Variants in TONSL observed in about 807,000 individuals in gnomAD.
The protein encoded by TONSL is tonsoku-like protein.
Under a neutral mutation model 147.1 loss-of-function variants are expected in TONSL, and 112 were observed. That is an observed-to-expected ratio of 0.76 (90% CI 0.65 to 0.89). The LOEUF (loss-of-function observed/expected upper bound fraction) is 0.89. Ranked by LOEUF, TONSL falls within the 40% of genes least tolerant of loss-of-function variation. TONSL has a pLI of 0.00. For missense variants in TONSL, 1,883 were observed against 1,864.6 expected, an observed-to-expected ratio of 1.01 and a Z score of -0.18; for synonymous variants, 868 against 801.5, an observed-to-expected ratio of 1.08 and a Z score of -1.40.
chr8:144,444,399 C>T lies in TONSL; in HGVS notation c.16G>A (p.Glu6Lys). The change falls in exon 1 of 26, where the codon GAG (glutamate) becomes AAG (lysine). Residue 6 changes from glutamate (E) to lysine (K), a missense_variant. Coordinates refer to ENST00000409379, the MANE Select transcript of TONSL (RefSeq NM_013432.5). ...TCCCCGAGGAACTTACGGCGAAGCT[C>T]GCGCTCCAGGCTCATGCTCGGATCG... MSLER[E>K]LRQLSKAKAK... 7.9e-7 allele frequency: 1 copy of T among 1,271,072 alleles called. No homozygotes were observed. Among genetic ancestry groups the T allele is most frequent in the Non-Finnish European group, 9.9e-7 (1 of 1,006,662 alleles). The allele number at this position is 1,271,072 out of a possible 1,614,324, so 78.7% of individuals were successfully genotyped here. A position where few individuals can be genotyped will look rare whatever the true frequency, so the allele number is the denominator to read the frequency against.
At chr8:144,438,252 G>C (rs1823553996) in intron 13 of TONSL, 1 of 594,956 alleles carries the variant, frequency 1.7e-6, no homozygotes, top group Admixed American at 2.9e-5. Context: ...GCCCAGGCTG[G>C]AGTGCAGTGG....
rs1554877925 is a variant in TONSL, at chr8:144,429,182, C to T, written c.4098G>A (p.Thr1366=). 1.3e-6 allele frequency: 2 copies of T among 1,534,484 alleles called. No individual in the cohort carries two copies. Among genetic ancestry groups the T allele is most frequent in the Admixed American group, 2.0e-5 (1 of 50,702 alleles). Residue 1366 remains threonine, a synonymous_variant, in exon 26 of 26, where the codon ACG becomes ACA. Coordinates refer to ENST00000409379, the MANE Select transcript of TONSL (RefSeq NM_013432.5). ...AGAAGAGCTTGGAGCCGTGGTCCAG[C>T]GTGCACTCGCCGGGGCCCGGCCGAC... ...QPSRPGPGEC[T]LDHGSKLFFR... is the part of the protein sequence containing the mutation.
Position 144,443,182 on chromosome 8 carries a change from GC to G in TONSL, c.403del (p.Ala135LeufsTer23), listed in dbSNP as rs1823785367. On this transcript the variant is annotated frameshift_variant, in exon 4 of 26. Coordinates refer to ENST00000409379, the MANE Select transcript of TONSL (RefSeq NM_013432.5). LOFTEE classifies it high-confidence loss of function. ...QSRDALLQAQ[A>X]AFEKSLAIVD... ...AATAGCCAAGCTCTTCTCAAAGGCAGCCTGTGCCTGCAGCAAAGCATCCCTC... is the reference window on the plus strand; with the variant it reads ...AATAGCCAAGCTCTTCTCAAAGGCAGCTGTGCCTGCAGCAAAGCATCCCTC... 6.4e-7 allele frequency: 1 copy of G among 1,550,688 alleles called. No individual in the cohort carries two copies.
rs1380928245 is a variant in TONSL, at chr8:144,444,016, C to A, written c.130G>T (p.Ala44Ser). 3.9e-6 allele frequency: 6 copies of A among 1,536,856 alleles called. No homozygotes were observed. The highest frequency in any genetic ancestry group is 5.2e-6 in the Non-Finnish European group (6 of 1,146,104). Residue 44 changes from alanine (A) to serine (S), a missense_variant, in exon 3 of 26, where the codon GCC (alanine) becomes TCC (serine). By Grantham distance (99) the Ala-to-Ser change is moderately conservative. Transcript: ENST00000409379. The part of the protein sequence containing the change: ...GELLAGHGRY[A>S]EALEQHWQEL... ...TGCCAGTGCTGCTCCAGAGCCTCGG[C>A]GTAGCGGCCTAGGCGGGGGCACAGC...
At chr8:144,444,341 C>A (rs1823829533) in intron 1 of TONSL, 49 bp downstream of exon 1, 2 of 1,294,742 alleles carry the variant, frequency 1.5e-6, no homozygotes, top group South Asian at 2.4e-5. Context: ...AGTCCCAAGC[C>A]CTCCCCAGCC....
chr8:144,440,618 C>T lies in TONSL; in HGVS notation c.1164+100G>A, dbSNP rs1343039024. The T allele has an allele frequency of 4.6e-6, 7 of 1,533,058 alleles. No homozygotes were observed. The Admixed American group carries it at 7.6e-5, about 17-fold the overall frequency. 95.0% of individuals were successfully genotyped at this position (1,533,058 alleles called of 1,614,324 possible). A position where few individuals can be genotyped will look rare whatever the true frequency, so the allele number is the denominator to read the frequency against. On this transcript the variant is annotated intron_variant, in intron 9 of 25. Transcript: ENST00000409379. The stretch of plus-strand genomic sequence containing the variant: ...GTGGATGGTCCTAGGAAGGAGCTGC[C>T]CGTCCAGTAAGGACACCTGTCCATG...
At chr8:144,441,250 C>T (rs1201959973) in intron 7 of TONSL, 139 bp from the exon 8 acceptor site, 8 of 1,245,710 alleles carry the variant, frequency 6.4e-6, no homozygotes, top group Non-Finnish European at 8.7e-6. Flanking sequence ...GGGTTAATAG[C>T]AGGGTCTATC....
intron 25 of TONSL, among the ~76,000 whole-genome samples, chr8:144,429,843 G>A (rs1438044854): frequency 6.6e-6 from 1 of 152,160 alleles, no homozygotes; most frequent in Non-Finnish European, 1.5e-5. Context: ...GCCCCGCTTC[G>A]TGCACATTCA....
chr8:144,441,603 AC>A (rs1823722297), intron 7 of TONSL: 1 of 193,270 alleles, frequency 5.2e-6, no homozygotes, highest in Non-Finnish European at 1.1e-5. Flanking sequence ...AGAAAAAAAA[AC>A]AACACAACAT....
intron 11 of TONSL, among the ~76,000 whole-genome samples, chr8:144,439,352 C>T (rs1040568082): frequency 3.9e-5 from 6 of 152,178 alleles, no homozygotes; most frequent in Admixed American, 1.3e-4. Context: ...CCTGATCCAC[C>T]TCCCCCCAGC....
chr8:144,436,289 T>C lies in TONSL; in HGVS notation c.2144A>G (p.His715Arg). Residue 715 changes from histidine to arginine, a missense_variant, in exon 17 of 26, where the codon CAT becomes CGT. His to Arg is a conservative substitution (Grantham distance 29, BLOSUM62 0). Coordinates refer to ENST00000409379, the MANE Select transcript of TONSL (RefSeq NM_013432.5). ...STRLPEASQA[H>R]VRVSPGQAAP... ...CGCCTGCCCTGGGGAGACCCTGACA[T>C]GGGCCTGAGAGGCCTCTGGGAGTCT... 3 of 1,508,782 alleles carry C rather than the reference T, an allele frequency of 2.0e-6. No individual in the cohort carries two copies. The highest frequency in any genetic ancestry group is 2.6e-6 in the Non-Finnish European group (3 of 1,134,628). 93.5% of individuals were successfully genotyped at this position (1,508,782 alleles called of 1,614,324 possible).
chr8:144,434,137 G>T lies in TONSL; in HGVS notation c.3228C>A (p.Arg1076=). The change falls in exon 21 of 26, where the codon CGC becomes CGA. Residue 1076 remains arginine, a synonymous_variant. Coordinates refer to ENST00000409379, the MANE Select transcript of TONSL (RefSeq NM_013432.5). ...LKLHTALREL[R]LAGNRLGDKC... The stretch of plus-strand genomic sequence containing the variant: ...TGTCCCCCAGCCGGTTCCCTGCCAG[G>T]CGCAGCTCCCGGAGTGCTGTGTGCA... 6.2e-7 allele frequency: 1 copy of T among 1,611,932 alleles called. No individual in the cohort carries two copies. The highest frequency in any genetic ancestry group is 8.5e-7 in the Non-Finnish European group (1 of 1,179,412).
Position 144,429,230 on chromosome 8 carries a change from G to A in TONSL, c.4050C>T (p.Asp1350=). ...CSRRLCAEDR[D]ALRQLQPSRP... is the part of the protein sequence containing the mutation. Reference sequence around the variant, plus strand: ...GACTGGGCTGCAGCTGGCGCAGGGCGTCCCTGTCCTCAGCGCAGAGGCGTC... The same window carrying A: ...GACTGGGCTGCAGCTGGCGCAGGGCATCCCTGTCCTCAGCGCAGAGGCGTC... The change falls in exon 26 of 26, where the codon GAC becomes GAT. Residue 1350 remains aspartate (D), a synonymous_variant. Transcript: ENST00000409379. The A allele has an allele frequency of 1.3e-6, 2 of 1,535,386 alleles. No individual in the cohort carries two copies. The highest frequency in any genetic ancestry group is 8.7e-7 in the Non-Finnish European group (1 of 1,144,434).
intron 16 of TONSL, 25 bp from the exon 17 acceptor site, chr8:144,436,443 A>G: frequency 1.3e-6 from 2 of 1,527,056 alleles, no homozygotes; most frequent in Non-Finnish European, 1.8e-6. Context: ...ATGCGTGTTG[A>G]GGCAGGGGCC....
In TONSL at chr8:144,432,289, G is replaced by T; in HGVS notation, c.3731C>A (p.Ala1244Asp). 1.2e-6 allele frequency: 2 copies of T among 1,613,602 alleles called. No individual in the cohort carries two copies. Among genetic ancestry groups the T allele is most frequent in the Non-Finnish European group, 1.7e-6 (2 of 1,179,870 alleles). ...DLMEPVFRYL[A>D]KEGCALAHLT... ...GGGTTCTTCCCCACCTCGTACCTTG[G>T]CCAGGTATCGGAATACAGGCTCCAT... Residue 1244 changes from alanine to aspartate, a missense_variant, in exon 23 of 26, where the codon GCC becomes GAC. Ala to Asp is a moderately radical substitution (Grantham distance 126). Coordinates refer to ENST00000409379, the MANE Select transcript of TONSL (RefSeq NM_013432.5).
At chr8:144,431,673 C>T (rs933943740) in intron 23 of TONSL, among the ~76,000 whole-genome samples, 5 of 151,730 alleles carry the variant, frequency 3.3e-5, no homozygotes, top group East Asian at 1.9e-4. Context: ...TCACCACGCC[C>T]GGCTAATTTT....
intron 7 of TONSL, chr8:144,441,795 T>C (rs952992085): frequency 8.6e-6 from 4 of 466,224 alleles, no homozygotes; most frequent in African/African-American, 6.1e-5. Context: ...CCAGCTGGTC[T>C]CCTGGCCGCC....
intron 4 of TONSL, 164 bp from the exon 5 acceptor site, chr8:144,442,970 G>C: frequency 1.1e-5 from 14 of 1,229,678 alleles, no homozygotes; most frequent in Non-Finnish European, 1.4e-5. Context: ...ATAAAGAGCT[G>C]ACGATCTCCA....
chr8:144,434,562 T>G lies in TONSL; in HGVS notation c.3085+249A>C, dbSNP rs551352861. ...GCAGCTCCCAGCCCATGCCAGGCCC[T>G]CCTCCTTGGGTTTGACTTTCCAGGC... is the stretch of plus-strand genomic sequence containing the variant. On this transcript the variant is annotated intron_variant, in intron 20 of 25. Transcript: ENST00000409379. 5.9e-5 allele frequency among the ~76,000 whole-genome samples: 9 copies of G among 152,202 alleles called. No individual in the cohort carries two copies. In the South Asian group the frequency reaches 1.9e-3, roughly 32 times the overall value.
Sources: allele counts gnomAD v4.1 joint callset (sites outside exome capture counted in the v4.1 genomes callset), GRCh38; gene constraint gnomAD v4.1.1; transcripts MANE v1.5; gene names NCBI Gene and HGNC (gene_info 2026-07-23, HGNC 2026-07-21).